PPM1D: variants seen among roughly 807,000 people sequenced by gnomAD.
PPM1D encodes the protein protein phosphatase 1D.
PPM1D carries 52 observed loss-of-function variants against 58.3 expected under a neutral mutation model. That is an observed-to-expected ratio of 0.89 (90% CI 0.71 to 1.12). The LOEUF (loss-of-function observed/expected upper bound fraction) is 1.12. PPM1D is among the 50% of genes most tolerant of loss of function. PPM1D has a pLI of 0.00. For synonymous variants in PPM1D, 278 were observed against 285.1 expected (o/e 0.98, Z 0.25); for missense variants, 564 against 777.2 (o/e 0.73, Z 3.26).
At chr17:60,612,859 A>G (rs187924246) in intron 1 of PPM1D, among the ~76,000 whole-genome samples, 5 of 152,286 alleles carry the variant, frequency 3.3e-5, no homozygotes, top group African/African-American at 1.2e-4. Context: ...TGGTCAAACT[A>G]TGTAATAGGA....
rs35491690 is a variant in PPM1D, at chr17:60,663,220, A to G, written c.1486A>G (p.Ile496Val). 9.7e-4 allele frequency: 1,572 copies of G among 1,614,176 alleles called. 3 individuals are homozygous for G. The highest frequency in any genetic ancestry group is 1.2e-3 in the Non-Finnish European group (1,400 of 1,180,004). Reference protein sequence around the residue: ...IHDSLNNSLPIGLVPTNSTNT... With the variant: ...IHDSLNNSLPVGLVPTNSTNT... Reference sequence around the variant, plus strand: ...TGATTCTTTGAATAATAGCCTTCCAATTGGCCTTGTGCCTACTAATTCAAC... The same window carrying G: ...TGATTCTTTGAATAATAGCCTTCCAGTTGGCCTTGTGCCTACTAATTCAAC... The change falls in exon 6 of 6, where the codon ATT (isoleucine) becomes GTT (valine). Residue 496 changes from isoleucine to valine, a missense_variant. Coordinates refer to ENST00000305921, the MANE Select transcript of PPM1D (RefSeq NM_003620.4).
At chr17:60,639,259 G>A (rs559427059) in intron 3 of PPM1D, among the ~76,000 whole-genome samples, 3 of 151,828 alleles carry the variant, frequency 2.0e-5, no homozygotes, top group Admixed American at 1.3e-4. Context: ...GGGATTACAG[G>A]CACCCGCCAC....
rs534405821 is a variant in PPM1D, at chr17:60,641,952, C to T, written c.827-5940C>T. ...CTCTCTTCTGGTGTCCCTTCAGCAC[C>T]CTCTACTGAGGAAAAAAGGGAATTG... On this transcript the variant is annotated intron_variant, in intron 3 of 5. Coordinates refer to ENST00000305921, the MANE Select transcript of PPM1D (RefSeq NM_003620.4). Among the ~76,000 whole-genome samples the T allele has an allele frequency of 1.7e-4, 26 of 152,290 alleles. No individual in the cohort carries two copies. The East Asian group carries it at 4.8e-3, about 28-fold the overall frequency.
intron 3 of PPM1D, among the ~76,000 whole-genome samples, chr17:60,646,803 A>C (rs59939267): frequency 0.042 from 6,404 of 152,276 alleles, 368 homozygotes; most frequent in African/African-American, 0.13. Flanking sequence ...GGAGCTAATC[A>C]AGGAGAAGGA....
At chr17:60,619,176 TC>T (rs2030647208) in intron 1 of PPM1D, among the ~76,000 whole-genome samples, 1 of 152,170 alleles carries the variant, frequency 6.6e-6, no homozygotes, top group Non-Finnish European at 1.5e-5. Context: ...TAGCATAATG[TC>T]CTACAGGTTC....
At chr17:60,635,201 C>T (rs1356490749) in intron 3 of PPM1D, among the ~76,000 whole-genome samples, 24 of 151,636 alleles carry the variant, frequency 1.6e-4, no homozygotes, top group African/African-American at 5.6e-4. Flanking sequence ...TAAATATTTC[C>T]TTATATACAC....
intron 2 of PPM1D, among the ~76,000 whole-genome samples, chr17:60,633,403 C>A (rs748190279): frequency 6.6e-6 from 1 of 151,668 alleles, no homozygotes; most frequent in Non-Finnish European, 1.5e-5. Context: ...CAATTTAATG[C>A]CTATTTATTT....
chr17:60,639,886 A>G (rs1360465429), intron 3 of PPM1D, among the ~76,000 whole-genome samples: 1 of 152,250 alleles, frequency 6.6e-6, no homozygotes, highest in Non-Finnish European at 1.5e-5. Flanking sequence ...CATAGAAAAC[A>G]ACATTTTCGA....
intron 4 of PPM1D, 108 bp downstream of exon 4, chr17:60,648,190 A>G: frequency 8.2e-7 from 1 of 1,212,450 alleles, no homozygotes; most frequent in Non-Finnish European, 1.1e-6. Context: ...AGATTTTTGC[A>G]TTTGCCTTGA....
At position 60,656,848 on chromosome 17, in the gene PPM1D, A is replaced by G. The variant is rs921499492; in HGVS notation, c.1260+7A>G. On this transcript the variant is annotated splice_region_variant and intron_variant, in intron 5 of 5. Coordinates refer to ENST00000305921, the MANE Select transcript of PPM1D (RefSeq NM_003620.4). ...TTCTACACCACCAGTCAAGGTATAT[A>G]GTTCCATAGTTTTTAAGTTATGTTT... is the stretch of plus-strand genomic sequence containing the variant. The G allele has an allele frequency of 8.1e-6, 13 of 1,613,722 alleles. No individual in the cohort carries two copies. In the African/African-American group the frequency reaches 1.7e-4, roughly 22 times the overall value.
chr17:60,628,494 C>G (rs1291810839), intron 2 of PPM1D, among the ~76,000 whole-genome samples: 1 of 152,176 alleles, frequency 6.6e-6, no homozygotes, highest in Non-Finnish European at 1.5e-5. Flanking sequence ...TAAGAGTCCT[C>G]TGTACTTTGT....
chr17:60,619,801 T>C (rs991554010), intron 1 of PPM1D, among the ~76,000 whole-genome samples: 1 of 152,036 alleles, frequency 6.6e-6, no homozygotes, highest in African/African-American at 2.4e-5. Flanking sequence ...GGTCTCGTTA[T>C]GTTGTCTATG....
At chr17:60,612,008 G>GTGT (rs2030466142) in intron 1 of PPM1D, among the ~76,000 whole-genome samples, 1 of 151,244 alleles carries the variant, frequency 6.6e-6, no homozygotes, top group Non-Finnish European at 1.5e-5. Flanking sequence ...TGTAGCCACT[G>GTGT]ACTACATGTA....
At chr17:60,618,154 T>G (rs1337511914) in intron 1 of PPM1D, among the ~76,000 whole-genome samples, 1 of 152,186 alleles carries the variant, frequency 6.6e-6, no homozygotes, top group Non-Finnish European at 1.5e-5. Context: ...GCCCTTATTA[T>G]TGTTTTAGAG....
At chr17:60,633,703 ATTTTGGC>A in intron 2 of PPM1D, 143 bp from the exon 3 acceptor site, 1 of 836,944 alleles carries the variant, frequency 1.2e-6, no homozygotes, top group Non-Finnish European at 1.8e-6. Context: ...CTGAACAGGA[ATTTTGGC>A]TTATGCATCT....
chr17:60,649,097 T>G (rs1009465828), intron 4 of PPM1D, among the ~76,000 whole-genome samples: 1 of 151,836 alleles, frequency 6.6e-6, no homozygotes, highest in African/African-American at 2.4e-5. Flanking sequence ...TTGTTTTTTT[T>G]TCCCCCCAAG....
intron 4 of PPM1D, among the ~76,000 whole-genome samples, chr17:60,652,184 T>C (rs987887783): frequency 5.3e-5 from 8 of 152,154 alleles, no homozygotes; most frequent in African/African-American, 1.9e-4. Context: ...ACCACAATTC[T>C]ACTCTCTCTC....
Position 60,648,079 on chromosome 17 carries a change from G to T in PPM1D, c.1014G>T (p.Leu338=). The change falls in exon 4 of 6, where the codon CTG becomes CTT. Residue 338 remains leucine, a synonymous_variant. Transcript: ENST00000305921. ...AGGACCAAGAGGAGAAAAAATACCTGATGGTGAGATGTGATTGAATAACTT... is the reference window on the plus strand; with the variant it reads ...AGGACCAAGAGGAGAAAAAATACCTTATGGTGAGATGTGATTGAATAACTT... The part of the protein sequence containing the change: ...MCQDQEEKKY[L]MGEHGQSCAK... 6.2e-7 allele frequency: 1 copy of T among 1,601,946 alleles called. No individual in the cohort carries two copies. Among genetic ancestry groups the T allele is most frequent in the Non-Finnish European group, 8.5e-7 (1 of 1,175,368 alleles).
At chr17:60,651,734 G>A (rs377008346) in intron 4 of PPM1D, among the ~76,000 whole-genome samples, 185 of 152,030 alleles carry the variant, frequency 1.2e-3, no homozygotes, top group African/African-American at 4.3e-3. Flanking sequence ...TTCGTTTGTG[G>A]CACATAAAAT....
Sources: allele counts gnomAD v4.1 joint callset (sites outside exome capture counted in the v4.1 genomes callset), GRCh38; gene constraint gnomAD v4.1.1; transcripts MANE v1.5; gene names NCBI Gene and HGNC (gene_info 2026-07-23, HGNC 2026-07-21).